The following CYP39A1 variants were observed in gnomAD, a reference collection of about 807,000 sequenced individuals.
The protein encoded by CYP39A1 is 24-hydroxycholesterol 7-alpha-hydroxylase.
In CYP39A1, 49 loss-of-function variants were observed where a neutral mutation model predicts 58.1. The ratio of observed to expected loss-of-function variants is 0.84; its 90% CI spans 0.67 to 1.07. CYP39A1 has a LOEUF of 1.07. Among genes scored for constraint, CYP39A1 ranks in the 50% least tolerant of loss-of-function variants. CYP39A1 has a pLI of 0.00. For missense variants in CYP39A1, 531 were observed against 539.4 expected (o/e 0.98, Z 0.16); for synonymous variants, 209 against 187.6 (o/e 1.11, Z -0.93).
intron 1 of CYP39A1, among the ~76,000 whole-genome samples, chr6:46,647,859 A>T (rs780461246): frequency 2.0e-5 from 3 of 152,104 alleles, no homozygotes; most frequent in Non-Finnish European, 4.4e-5. Context: ...AGTTCTTTGT[A>T]GATTCTGGAT....
At chr6:46,641,414 G>A (rs577830242) in intron 2 of CYP39A1, among the ~76,000 whole-genome samples, 1 of 152,030 alleles carries the variant, frequency 6.6e-6, no homozygotes, top group Non-Finnish European at 1.5e-5. Context: ...TTGTCTTAAT[G>A]GCAAGAAATG....
chr6:46,559,967 A>G (rs699942), intron 10 of CYP39A1, among the ~76,000 whole-genome samples: 59,851 of 152,014 alleles, frequency 0.39, 14,773 homozygotes, highest in African/African-American at 0.7. Flanking sequence ...ATGTTCTCAT[A>G]AAGCTTAAAT....
At position 46,596,000 on chromosome 6, in the gene CYP39A1, G is replaced by T; in HGVS notation, c.1052C>A (p.Pro351His). ...PGVITRKVVK[P>H]VEILNYIIPS... ...ACCAAAGCTTACCAAAATTTCCACAGGCTTCACCACTTTTCTAGTAATGAC... is the reference window on the plus strand; with the variant it reads ...ACCAAAGCTTACCAAAATTTCCACATGCTTCACCACTTTTCTAGTAATGAC... The change falls in exon 8 of 12, where the codon CCT becomes CAT. Residue 351 changes from proline (P) to histidine (H), a missense_variant. Coordinates refer to ENST00000275016, the MANE Select transcript of CYP39A1 (RefSeq NM_016593.5). The T allele has an allele frequency of 6.2e-7, 1 of 1,608,742 alleles. No homozygotes were observed. Among genetic ancestry groups the T allele is most frequent in the Non-Finnish European group, 8.5e-7 (1 of 1,178,076 alleles).
intron 5 of CYP39A1, among the ~76,000 whole-genome samples, chr6:46,631,854 G>C (rs539777356): frequency 1.3e-5 from 2 of 152,252 alleles, no homozygotes; most frequent in South Asian, 4.2e-4. Context: ...TCTTCATCGG[G>C]CGGTTTCCCC....
intron 3 of CYP39A1, among the ~76,000 whole-genome samples, chr6:46,638,387 C>T (rs1057388898): frequency 6.6e-6 from 1 of 152,162 alleles, no homozygotes; most frequent in African/African-American, 2.4e-5. Context: ...ATATTAGTCA[C>T]CAAATTCCCT....
At chr6:46,559,019 A>C (rs1012671805) in intron 10 of CYP39A1, among the ~76,000 whole-genome samples, 1 of 150,568 alleles carries the variant, frequency 6.6e-6, no homozygotes, top group African/African-American at 2.4e-5. Context: ...AAAAAAGGTG[A>C]TGGTCTTTGG....
At chr6:46,592,091 A>T (rs995345889) in intron 8 of CYP39A1, among the ~76,000 whole-genome samples, 2 of 152,202 alleles carry the variant, frequency 1.3e-5, no homozygotes, top group African/African-American at 4.8e-5. Flanking sequence ...TCAGAGTTTT[A>T]GAAAGGTAGC....
At chr6:46,586,135 C>A in intron 10 of CYP39A1, 3 of 807,326 alleles carry the variant, frequency 3.7e-6, no homozygotes, top group Non-Finnish European at 4.5e-6. Flanking sequence ...GCGTAAATTA[C>A]CAAAATCATA....
intron 5 of CYP39A1, 115 bp from the exon 6 acceptor site, chr6:46,631,185 C>T: frequency 1.2e-6 from 1 of 832,236 alleles, no homozygotes; most frequent in Non-Finnish European, 1.9e-6. Context: ...CTGCCATTCC[C>T]AGGTTTTGCA....
At chr6:46,627,418 ATTTAT>A (rs147587258) in intron 6 of CYP39A1, among the ~76,000 whole-genome samples, 22,503 of 100,920 alleles carry the variant, frequency 0.22, 2,138 homozygotes, top group African/African-American at 0.38. Context: ...ACTTTTATTT[ATTTAT>A]TTTTTTTTTT....
chr6:46,555,073 A>G (rs1382440085), intron 10 of CYP39A1, among the ~76,000 whole-genome samples: 1 of 149,328 alleles, frequency 6.7e-6, no homozygotes, highest in Non-Finnish European at 1.5e-5. Flanking sequence ...ACACACACAC[A>G]CGCAATCTTT....
intron 10 of CYP39A1, among the ~76,000 whole-genome samples, chr6:46,559,297 G>T (rs1208052691): frequency 6.6e-6 from 1 of 152,118 alleles, no homozygotes; most frequent in Non-Finnish European, 1.5e-5. Context: ...GCTTCTCAGA[G>T]GAGGGATGAG....
At chr6:46,553,457 T>G (rs1290378664) in intron 11 of CYP39A1, among the ~76,000 whole-genome samples, 1 of 152,184 alleles carries the variant, frequency 6.6e-6, no homozygotes, top group African/African-American at 2.4e-5. Flanking sequence ...AAGGGCAAAG[T>G]GGGCGCCATG....
intron 5 of CYP39A1, among the ~76,000 whole-genome samples, chr6:46,632,839 A>C (rs1301724445): frequency 6.6e-6 from 1 of 152,114 alleles, no homozygotes; most frequent in Non-Finnish European, 1.5e-5. Flanking sequence ...TTAGAGACAC[A>C]AATCACAACT....
intron 1 of CYP39A1, among the ~76,000 whole-genome samples, chr6:46,647,016 T>A (rs1013200928): frequency 5.7e-4 from 86 of 152,108 alleles, no homozygotes; most frequent in African/African-American, 2.0e-3. Flanking sequence ...TCCTTATTTT[T>A]TTTTTTAATT....
intron 9 of CYP39A1, 36 bp from the exon 10 acceptor site, chr6:46,587,201 C>G (rs762171425): frequency 2.2e-6 from 3 of 1,345,280 alleles, no homozygotes; most frequent in Non-Finnish European, 3.2e-6. Flanking sequence ...CCAAATCAGC[C>G]TTATATAAAT....
At chr6:46,637,347 T>TA (rs1318153327) in intron 4 of CYP39A1, among the ~76,000 whole-genome samples, 2 of 152,192 alleles carry the variant, frequency 1.3e-5, no homozygotes, top group Non-Finnish European at 2.9e-5. Flanking sequence ...GAGAAAGACA[T>TA]AGAGCCACTG....
At chr6:46,649,286 G>C (rs776318776) in intron 1 of CYP39A1, among the ~76,000 whole-genome samples, 13 of 152,360 alleles carry the variant, frequency 8.5e-5, no homozygotes, top group Non-Finnish European at 1.9e-4. Context: ...TCATCAAAGA[G>C]TGCAAACTAG....
At chr6:46,599,285 T>C (rs1319486551) in intron 7 of CYP39A1, among the ~76,000 whole-genome samples, 1 of 152,060 alleles carries the variant, frequency 6.6e-6, no homozygotes, top group African/African-American at 2.4e-5. Context: ...CAACTCGCTA[T>C]AGGAGCACAG....
Sources: allele counts gnomAD v4.1 joint callset (sites outside exome capture counted in the v4.1 genomes callset), GRCh38; gene constraint gnomAD v4.1.1; transcripts MANE v1.5; gene names NCBI Gene and HGNC (gene_info 2026-07-23, HGNC 2026-07-21).